PID1: variants seen among roughly 807,000 people sequenced by gnomAD.
The protein encoded by PID1 is PTB-containing, cubilin and LRP1-interacting protein.
In PID1, 10 loss-of-function variants were observed where a neutral mutation model predicts 19.1. That is an observed-to-expected ratio of 0.52 (90% CI 0.32 to 0.89). PID1 has a LOEUF of 0.89. Ranked by LOEUF, PID1 falls within the 40% of genes least tolerant of loss-of-function variation. The pLI, the probability that PID1 is intolerant of heterozygous loss-of-function variation, is 0.03. For missense variants in PID1, 248 were observed against 285.3 expected (o/e 0.87, Z 0.94); for synonymous variants, 130 against 116.0 (o/e 1.12, Z -0.78).
intron 2 of PID1, among the ~76,000 whole-genome samples, chr2:229,131,890 G>A (rs187100592): frequency 6.4e-4 from 97 of 152,294 alleles, no homozygotes; most frequent in African/African-American, 2.1e-3. Context: ...ACAGTGACAT[G>A]AGGGTGGGCA....
intron 1 of PID1, among the ~76,000 whole-genome samples, chr2:229,194,385 A>G (rs533580118): frequency 6.6e-6 from 1 of 152,150 alleles, no homozygotes; most frequent in East Asian, 1.9e-4. Flanking sequence ...ATGTCATTCT[A>G]AAGACTTACT....
intron 1 of PID1, among the ~76,000 whole-genome samples, chr2:229,221,909 C>T (rs150935132): frequency 1.9e-3 from 285 of 152,270 alleles, no homozygotes; most frequent in African/African-American, 3.7e-3. Context: ...TGGCAAATGC[C>T]GGGGATCCCC....
chr2:229,166,516 A>T (rs930758396), intron 1 of PID1, among the ~76,000 whole-genome samples: 5 of 152,182 alleles, frequency 3.3e-5, no homozygotes, highest in Non-Finnish European at 5.9e-5. Flanking sequence ...GCTTCATCTG[A>T]TTGCTCAATG....
At chr2:229,035,342 C>A (rs919380267) in intron 2 of PID1, among the ~76,000 whole-genome samples, 3 of 152,144 alleles carry the variant, frequency 2.0e-5, no homozygotes, top group African/African-American at 7.2e-5. Flanking sequence ...TTCCCTGGAT[C>A]TCCTGTCTGC....
At chr2:229,059,551 C>T (rs1048165182) in intron 2 of PID1, among the ~76,000 whole-genome samples, 15 of 152,138 alleles carry the variant, frequency 9.9e-5, no homozygotes, top group African/African-American at 2.9e-4. Flanking sequence ...AGGGATGCCA[C>T]CATGGCTTGA....
chr2:229,207,515 C>T (rs545363180), intron 1 of PID1, among the ~76,000 whole-genome samples: 3 of 148,754 alleles, frequency 2.0e-5, no homozygotes, highest in Non-Finnish European at 3.0e-5. Context: ...TCTAGTAGGA[C>T]GACCTCAATC....
chr2:229,037,675 C>T (rs979340647), intron 2 of PID1, among the ~76,000 whole-genome samples: 1 of 152,164 alleles, frequency 6.6e-6, no homozygotes, highest in East Asian at 1.9e-4. Context: ...CCTCATGTGG[C>T]CCCTTCTGGT....
At chr2:229,247,276 A>G (rs1690028429) in intron 1 of PID1, among the ~76,000 whole-genome samples, 1 of 152,216 alleles carries the variant, frequency 6.6e-6, no homozygotes. Flanking sequence ...GCCCAAGGCT[A>G]GTATGAAAGC....
At chr2:229,128,360 C>T (rs187363093) in intron 2 of PID1, among the ~76,000 whole-genome samples, 4 of 152,288 alleles carry the variant, frequency 2.6e-5, no homozygotes, top group Non-Finnish European at 4.4e-5. Context: ...TTTCTCCCTC[C>T]AACTAGCTGT....
intron 1 of PID1, among the ~76,000 whole-genome samples, chr2:229,180,195 G>A (rs1404862872): frequency 1.3e-5 from 2 of 151,964 alleles, no homozygotes; most frequent in African/African-American, 4.8e-5. Context: ...ATGTTTATAA[G>A]GTACACCTTA....
intron 1 of PID1, among the ~76,000 whole-genome samples, chr2:229,220,872 G>A (rs1001650184): frequency 3.4e-4 from 51 of 151,628 alleles, no homozygotes; most frequent in South Asian, 6.2e-4. Flanking sequence ...ATTCACTACA[G>A]TTTTATTGTG....
intron 1 of PID1, among the ~76,000 whole-genome samples, chr2:229,202,805 A>G (rs1559283126): frequency 6.6e-6 from 1 of 152,092 alleles, no homozygotes; most frequent in African/African-American, 2.4e-5. Context: ...ATTTCATCAC[A>G]CTGTCTGTGA....
intron 2 of PID1, among the ~76,000 whole-genome samples, chr2:229,087,416 G>A (rs1412244827): frequency 6.6e-6 from 1 of 152,196 alleles, no homozygotes; most frequent in Non-Finnish European, 1.5e-5. Flanking sequence ...AACCAGGACA[G>A]TGCCTACCCT....
intron 1 of PID1, among the ~76,000 whole-genome samples, chr2:229,224,832 TAAAA>T (rs3084669): frequency 0.042 from 6,177 of 148,296 alleles, 425 homozygotes; most frequent in African/African-American, 0.14. Flanking sequence ...GGATTCAGAA[TAAAA>T]AAAAAAAAAA....
chr2:229,183,151 G>A (rs1690982210), intron 1 of PID1, among the ~76,000 whole-genome samples: 2 of 152,166 alleles, frequency 1.3e-5, no homozygotes, highest in South Asian at 4.1e-4. Context: ...AGAGAAATTT[G>A]AACACAGAGA....
At chr2:229,034,735 G>T (rs924410207) in intron 2 of PID1, among the ~76,000 whole-genome samples, 1 of 151,784 alleles carries the variant, frequency 6.6e-6, no homozygotes, top group Admixed American at 6.6e-5. Flanking sequence ...GTTGTTTTCT[G>T]ACAGTGTCTC....
intron 2 of PID1, among the ~76,000 whole-genome samples, chr2:229,138,441 C>G (rs554242415): frequency 6.6e-6 from 1 of 151,926 alleles, no homozygotes; most frequent in Admixed American, 6.6e-5. Context: ...CTCTAGTACT[C>G]AGTAAAATAC....
At chr2:229,203,943 T>A (rs1691551765) in intron 1 of PID1, among the ~76,000 whole-genome samples, 1 of 152,278 alleles carries the variant, frequency 6.6e-6, no homozygotes. Context: ...TGTAATGGTC[T>A]AATGTTTAGA....
At chr2:229,188,314 C>T (rs1248239577) in intron 1 of PID1, among the ~76,000 whole-genome samples, 1 of 149,374 alleles carries the variant, frequency 6.7e-6, no homozygotes, top group African/African-American at 2.5e-5. Context: ...GATGCATTTG[C>T]TTCTCCCCTG....
Sources: gnomAD v4.1 joint callset for allele counts (sites outside exome capture counted in the v4.1 genomes callset) on GRCh38, gnomAD v4.1.1 for gene constraint, MANE v1.5 for transcripts, NCBI Gene and HGNC (gene_info 2026-07-23, HGNC 2026-07-21) for gene names.